ACOXL: variants seen among roughly 807,000 people sequenced by gnomAD.
ACOXL encodes the protein acyl-CoA oxidase like, also known as acyl-coenzyme A oxidase-like protein.
ACOXL carries 70 observed loss-of-function variants against 71.9 expected under a neutral mutation model. The ratio of observed to expected loss-of-function variants is 0.97; its 90% confidence interval spans 0.80 to 1.19. The LOEUF (loss-of-function observed/expected upper bound fraction) is 1.19, where lower values mean the gene tolerates loss of function less well. Ranked by LOEUF, ACOXL falls within the 50% of genes most tolerant of loss-of-function variation. The pLI is 0.00. For missense variants in ACOXL, 703 were observed against 736.3 expected (o/e 0.95, Z 0.52); for synonymous variants, 253 against 281.6 (o/e 0.90, Z 1.02).
At chr2:111,030,263 C>A (rs901460845) in intron 14 of ACOXL, among the ~76,000 whole-genome samples, 6 of 152,200 alleles carry the variant, frequency 3.9e-5, no homozygotes, top group African/African-American at 1.4e-4. Flanking sequence ...GTCTGGCCAG[C>A]TCTTGTCCTC....
At chr2:111,000,074 A>G (rs1006417547) in intron 14 of ACOXL, among the ~76,000 whole-genome samples, 1 of 152,192 alleles carries the variant, frequency 6.6e-6, no homozygotes, top group African/African-American at 2.4e-5. Flanking sequence ...GTTTGCACCT[A>G]TGCAGTTAGC....
intron 12 of ACOXL, among the ~76,000 whole-genome samples, chr2:110,986,585 T>C (rs1361199675): frequency 6.6e-6 from 1 of 152,232 alleles, no homozygotes; most frequent in African/African-American, 2.4e-5. Context: ...GGGCTAGCCA[T>C]GGACATCTTC....
At chr2:111,012,953 A>G (rs2064235979) in intron 14 of ACOXL, among the ~76,000 whole-genome samples, 1 of 152,216 alleles carries the variant, frequency 6.6e-6, no homozygotes, top group African/African-American at 2.4e-5. Flanking sequence ...GATGAGAGAT[A>G]ATGAAATAGA....
In ACOXL at chr2:110,990,265, T is replaced by A. The variant is rs72834565; in HGVS notation, c.1169+3048T>A. On this transcript the variant is annotated intron_variant, in intron 13 of 17. Transcript: ENST00000439055. ...AATTTTTTCCATACATACTATATCC[T>A]TTCATAGATTTATTACTGGTTACTT... Among the ~76,000 whole-genome samples, 4 of 151,992 alleles carry A rather than the reference T, an allele frequency of 2.6e-5. No homozygotes were observed. The East Asian group carries it at 7.7e-4, about 29-fold the overall frequency.
intron 14 of ACOXL, among the ~76,000 whole-genome samples, chr2:111,011,624 T>C (rs970244397): frequency 2.6e-5 from 4 of 152,166 alleles, no homozygotes; most frequent in Non-Finnish European, 4.4e-5. Flanking sequence ...GGCTCATGCC[T>C]GTAGTTTCAG....
chr2:110,846,474 C>T (rs986059213), intron 10 of ACOXL, among the ~76,000 whole-genome samples: 4 of 152,122 alleles, frequency 2.6e-5, no homozygotes, highest in Admixed American at 6.6e-5. Context: ...GCCTCAGAGC[C>T]GGAGGGGCTC....
At chr2:110,767,184 C>T (rs1439009857) in intron 1 of ACOXL, among the ~76,000 whole-genome samples, 2 of 152,200 alleles carry the variant, frequency 1.3e-5, no homozygotes, top group Admixed American at 6.5e-5. Flanking sequence ...CCTACAGGCT[C>T]AGGCTGTGCG....
chr2:110,832,518 C>G (rs1487516982), intron 9 of ACOXL, among the ~76,000 whole-genome samples: 1 of 145,108 alleles, frequency 6.9e-6, no homozygotes, highest in Non-Finnish European at 1.5e-5. Flanking sequence ...GCAGTCCGGC[C>G]TGGGCGACAG....
At chr2:110,943,963 C>G (rs987947512) in intron 12 of ACOXL, among the ~76,000 whole-genome samples, 1 of 152,016 alleles carries the variant, frequency 6.6e-6, no homozygotes, top group Non-Finnish European at 1.5e-5. Flanking sequence ...TTACTTTACA[C>G]AAGAAGGAAA....
At chr2:110,741,617 A>C (rs1178754463) in intron 1 of ACOXL, among the ~76,000 whole-genome samples, 1 of 152,172 alleles carries the variant, frequency 6.6e-6, no homozygotes, top group African/African-American at 2.4e-5. Flanking sequence ...CTCTGACCTC[A>C]ACTGGAAAGT....
intron 12 of ACOXL, among the ~76,000 whole-genome samples, chr2:110,978,086 G>T (rs929107767): frequency 6.6e-6 from 1 of 152,152 alleles, no homozygotes; most frequent in South Asian, 2.1e-4. Context: ...GCTTGAAGAG[G>T]TATCTTAGTC....
chr2:110,908,025 A>T (rs1487688276), intron 10 of ACOXL, among the ~76,000 whole-genome samples: 1 of 152,210 alleles, frequency 6.6e-6, no homozygotes, highest in Non-Finnish European at 1.5e-5. Flanking sequence ...CTGTTCAAAG[A>T]CAGCATGCTG....
At chr2:110,771,535 T>G (rs1190122261) in intron 2 of ACOXL, among the ~76,000 whole-genome samples, 9 of 152,226 alleles carry the variant, frequency 5.9e-5, no homozygotes, top group Admixed American at 5.2e-4. Flanking sequence ...CAGGTCTCTA[T>G]GGACAGTCCG....
rs2062001883 is a variant in ACOXL, at chr2:110,967,897, AGAC to A, written c.1060-19207_1060-19205del. 21 of 1,179,296 alleles carry A rather than the reference AGAC, an allele frequency of 1.8e-5. 1 individual carries two copies. Among genetic ancestry groups the A allele is most frequent in the Middle Eastern group, 2.8e-4 (1 of 3,548 alleles). 73.1% of individuals were successfully genotyped at this position (1,179,296 alleles called of 1,614,324 possible). A position where few individuals can be genotyped will look rare whatever the true frequency, so the allele number is the denominator to read the frequency against. ...TAAGAGATACCAAGTGAAATTTAGAAGACGACAAGAGGGTAAAACTGGTTACTA... is the reference window on the plus strand; with the variant it reads ...TAAGAGATACCAAGTGAAATTTAGAAGACAAGAGGGTAAAACTGGTTACTA... On this transcript the variant is annotated intron_variant, in intron 12 of 17. Coordinates refer to ENST00000439055, the MANE Select transcript of ACOXL (RefSeq NM_001142807.4).
intron 15 of ACOXL, among the ~76,000 whole-genome samples, chr2:111,045,572 T>G (rs1329301096): frequency 7.9e-5 from 12 of 152,180 alleles, no homozygotes; most frequent in Non-Finnish European, 1.0e-4. Flanking sequence ...CAGAACTGTG[T>G]CAATTAAACC....
intron 1 of ACOXL, among the ~76,000 whole-genome samples, chr2:110,763,214 C>G (rs966238281): frequency 6.6e-6 from 1 of 152,118 alleles, no homozygotes; most frequent in Non-Finnish European, 1.5e-5. Flanking sequence ...AGACAAAAGA[C>G]TCACAATAGC....
intron 10 of ACOXL, among the ~76,000 whole-genome samples, chr2:110,860,133 T>A (rs960100294): frequency 3.3e-5 from 5 of 152,152 alleles, no homozygotes; most frequent in African/African-American, 1.2e-4. Context: ...TGTTTTGAGG[T>A]GGAGTCTTGC....
intron 16 of ACOXL, among the ~76,000 whole-genome samples, chr2:111,061,921 A>G (rs953257342): frequency 3.3e-5 from 5 of 152,068 alleles, no homozygotes; most frequent in African/African-American, 1.2e-4. Context: ...CAAGGAAGAA[A>G]AAAAAGAAAT....
rs549644945 is a variant in ACOXL at position 110,761,006 on chromosome 2, A to G, written c.-22-7362A>G. Among the ~76,000 whole-genome samples the G allele has an allele frequency of 6.8e-4, 103 of 152,340 alleles. 1 individual carries two copies. The highest frequency in any genetic ancestry group is 4.1e-3 in the South Asian group (20 of 4,834). The stretch of plus-strand genomic sequence containing the variant: ...GAGAGGTGAAGCATAGGTGTTATCA[A>G]TAAATCAACCTGCTACTTTGTATCT... On this transcript the variant is annotated intron_variant, in intron 1 of 17. Transcript: ENST00000439055.
Sources: gnomAD v4.1 joint callset for allele counts (sites outside exome capture counted in the v4.1 genomes callset) on GRCh38, gnomAD v4.1.1 for gene constraint, MANE v1.5 for transcripts, NCBI Gene and HGNC (gene_info 2026-07-23, HGNC 2026-07-21) for gene names.